The following BRIP1 variants were observed in gnomAD, a reference collection of about 807,000 sequenced individuals.
The protein encoded by BRIP1 is BRCA1 interacting DNA helicase 1.
BRIP1 carries 88 observed loss-of-function variants against 119.7 expected under a neutral mutation model. The ratio of observed to expected loss-of-function variants is 0.74; its 90% CI spans 0.62 to 0.88. The LOEUF (loss-of-function observed/expected upper bound fraction) is 0.88. BRIP1 is among the 40% of genes least tolerant of loss of function. The pLI is 0.00. For missense variants in BRIP1, 1,259 were observed against 1,455.4 expected (o/e 0.87, Z 2.20); for synonymous variants, 443 against 496.5 (o/e 0.89, Z 1.43).
rs1389479164 is a variant in BRIP1 at position 61,738,778 on chromosome 17, C to T, written c.2379+4235G>A. On this transcript the variant is annotated intron_variant, in intron 16 of 19. Coordinates refer to ENST00000259008, the MANE Select transcript of BRIP1 (RefSeq NM_032043.3). The surrounding 1 kb of genome is among the most constrained non-coding windows in gnomAD (Gnocchi z 4.2). ...TAATGAAGAATAACATAATAAATACCTGCATTCTCATATTTTCTTGCAGCT... is the reference window on the plus strand; with the variant it reads ...TAATGAAGAATAACATAATAAATACTTGCATTCTCATATTTTCTTGCAGCT... 6.6e-6 allele frequency among the ~76,000 whole-genome samples: 1 copy of T among 151,904 alleles called. No homozygotes were observed. Among genetic ancestry groups the T allele is most frequent in the Admixed American group, 6.6e-5 (1 of 15,238 alleles).
intron 14 of BRIP1, among the ~76,000 whole-genome samples, chr17:61,773,072 G>T (rs1043303367): frequency 4.6e-5 from 7 of 151,620 alleles, no homozygotes; most frequent in Admixed American, 4.6e-4. Flanking sequence ...AGAAATTAAA[G>T]AATTTAATGA....
At chr17:61,812,261 G>A (rs938019255) in intron 6 of BRIP1, among the ~76,000 whole-genome samples, 11 of 152,036 alleles carry the variant, frequency 7.2e-5, no homozygotes, top group African/African-American at 2.2e-4. Flanking sequence ...ATCTCTTATT[G>A]AGTATTTTTC....
At position 61,808,922 on chromosome 17, in the gene BRIP1, C is replaced by T. The variant is rs2078121559; in HGVS notation, c.628-165G>A. Among the ~76,000 whole-genome samples the T allele has an allele frequency of 6.6e-6, 1 of 152,118 alleles. No individual in the cohort carries two copies. Among genetic ancestry groups the T allele is most frequent in the African/African-American group, 2.4e-5 (1 of 41,438 alleles). On this transcript the variant is annotated intron_variant, in intron 6 of 19. Coordinates refer to ENST00000259008, the MANE Select transcript of BRIP1 (RefSeq NM_032043.3). The surrounding 1 kb of genome is among the most constrained non-coding windows in gnomAD (Gnocchi z 4.1). ...AAACTTGCCATTAAAGAAAAAACTA[C>T]AATTTAAAATTGGTCCTCATTCTTT...
At position 61,680,675 on chromosome 17, in the gene BRIP1, T is replaced by C. The variant is rs1203946387; in HGVS notation, c.*2621A>G. Among the ~76,000 whole-genome samples the C allele has an allele frequency of 6.6e-6, 1 of 151,798 alleles. No individual in the cohort carries two copies. Among genetic ancestry groups the C allele is most frequent in the Admixed American group, 6.6e-5 (1 of 15,254 alleles). ...TTTGTATTTTTAGTAGAGACGGGGT[T>C]TCACCGTGTTAACCAGGATGGTCTC... On this transcript the variant is annotated 3_prime_UTR_variant, in exon 20 of 20. Coordinates refer to ENST00000259008, the MANE Select transcript of BRIP1 (RefSeq NM_032043.3).
rs2078668417 is a variant in BRIP1 at position 61,842,224 on chromosome 17, T to TA, written c.627+4876dup. Among the ~76,000 whole-genome samples the TA allele has an allele frequency of 2.0e-5, 3 of 151,558 alleles. No homozygotes were observed. Among genetic ancestry groups the TA allele is most frequent in the South Asian group, 2.1e-4 (1 of 4,792 alleles). On this transcript the variant is annotated intron_variant, in intron 6 of 19. Coordinates refer to ENST00000259008, the MANE Select transcript of BRIP1 (RefSeq NM_032043.3). The surrounding 1 kb of genome is among the most constrained non-coding windows in gnomAD (Gnocchi z 5.1). ...TATGTTCTTACTCATATGTAGGAGC[T>TA]AAAAAAAATGAGCTCATAGAAGTAG...
chr17:61,786,896 T>A (rs540608861), intron 10 of BRIP1, among the ~76,000 whole-genome samples: 1,178 of 109,730 alleles, frequency 0.011, 24 homozygotes, highest in African/African-American at 0.04. Context: ...TAAATATATT[T>A]TATATATAAT....
chr17:61,684,669 G>C lies in BRIP1; in HGVS notation c.2906-529C>G, dbSNP rs2061334017. ...GAATTCACTATTTATAGTGAATTTT[G>C]TATTACTATTTTGTAGTATTTATAT... On this transcript the variant is annotated intron_variant, in intron 19 of 19. Transcript: ENST00000259008. The surrounding 1 kb of genome is among the most constrained non-coding windows in gnomAD (Gnocchi z 4.5). The C allele has an allele frequency of 6.6e-6, 1 of 152,292 alleles. No individual in the cohort carries two copies. The highest frequency in any genetic ancestry group is 2.1e-4 in the South Asian group (1 of 4,832). 9.4% of individuals were successfully genotyped at this position (152,292 alleles called of 1,614,324 possible). A position where few individuals can be genotyped will look rare whatever the true frequency, so the allele number is the denominator to read the frequency against.
intron 10 of BRIP1, among the ~76,000 whole-genome samples, chr17:61,790,652 T>C (rs2077802149): frequency 6.6e-6 from 1 of 152,150 alleles, no homozygotes; most frequent in South Asian, 2.1e-4. Flanking sequence ...TCCTTTTCTT[T>C]TTTTTTAAAC....
chr17:61,741,721 A>G (rs1371176388), intron 16 of BRIP1, among the ~76,000 whole-genome samples: 2 of 151,950 alleles, frequency 1.3e-5, no homozygotes, highest in Non-Finnish European at 2.9e-5. Flanking sequence ...GACTTAAAAT[A>G]TTCAGTAAAC....
rs965381911 is a variant in BRIP1, at chr17:61,710,873, T to C, written c.2492+5078A>G. On this transcript the variant is annotated intron_variant, in intron 17 of 19. Coordinates refer to ENST00000259008, the MANE Select transcript of BRIP1 (RefSeq NM_032043.3). This position sits in a 1 kb window ranked among gnomAD's most constrained non-coding sequence, Gnocchi z 5.4. Reference sequence around the variant, plus strand: ...CTGTCCATCATGGTGAAACCCCGTCTCTACTAAAAATATAAAAATTAGCTG... The same window carrying C: ...CTGTCCATCATGGTGAAACCCCGTCCCTACTAAAAATATAAAAATTAGCTG... 6.6e-6 allele frequency among the ~76,000 whole-genome samples: 1 copy of C among 151,834 alleles called. No individual in the cohort carries two copies. Among genetic ancestry groups the C allele is most frequent in the African/African-American group, 2.4e-5 (1 of 41,340 alleles).
chr17:61,715,068 C>T (rs898611947), intron 17 of BRIP1, among the ~76,000 whole-genome samples: 12 of 151,640 alleles, frequency 7.9e-5, no homozygotes, highest in East Asian at 3.9e-4. Flanking sequence ...GGCATGGTGG[C>T]GCACGCCTGT....
At position 61,846,965 on chromosome 17, in the gene BRIP1, T is replaced by C; in HGVS notation, c.627+136A>G. On this transcript the variant is annotated intron_variant, in intron 6 of 19. Transcript: ENST00000259008. This position sits in a 1 kb window ranked among gnomAD's most constrained non-coding sequence, Gnocchi z 4.3. ...CCATCTCACACATTAGTAACAGAGATGTGACAGCATTGAGGACTTCTGAGT... is the reference window on the plus strand; with the variant it reads ...CCATCTCACACATTAGTAACAGAGACGTGACAGCATTGAGGACTTCTGAGT... The C allele has an allele frequency of 2.1e-6, 2 of 940,440 alleles. No homozygotes were observed. The highest frequency in any genetic ancestry group is 3.3e-6 in the Non-Finnish European group (2 of 606,636). 58.3% of individuals were successfully genotyped at this position (940,440 alleles called of 1,614,324 possible). A position where few individuals can be genotyped will look rare whatever the true frequency, so the allele number is the denominator to read the frequency against.
intron 11 of BRIP1, among the ~76,000 whole-genome samples, chr17:61,782,467 A>G (rs1320491821): frequency 2.0e-5 from 3 of 152,002 alleles, no homozygotes; most frequent in Non-Finnish European, 4.4e-5. Context: ...TGGATGTGAC[A>G]CTAAAAGTAC....
At position 61,789,241 on chromosome 17, in the gene BRIP1, C is replaced by T. The variant is rs956023500; in HGVS notation, c.1473+4356G>A. ...ATGAATGCACCATTGCACTTCATTC[C>T]GGGCAACACAGCAAGACTCTGTCTC... is the stretch of plus-strand genomic sequence containing the variant. On this transcript the variant is annotated intron_variant, in intron 10 of 19. Transcript: ENST00000259008. The surrounding 1 kb of genome is among the most constrained non-coding windows in gnomAD (Gnocchi z 4.8). 6.0e-5 allele frequency among the ~76,000 whole-genome samples: 9 copies of T among 150,736 alleles called. No homozygotes were observed. The highest frequency in any genetic ancestry group is 5.9e-4 in the Admixed American group (9 of 15,138).
rs1372474933 is a variant in BRIP1 at position 61,684,008 on chromosome 17, G to A, written c.3038C>T (p.Thr1013Ile). Residue 1013 changes from threonine to isoleucine, a missense_variant, in exon 20 of 20, where the codon ACT (threonine) becomes ATT (isoleucine). This residue lies in a region of BRIP1 where 753 missense variants were observed against 891.8 expected (regional missense o/e 0.84). Coordinates refer to ENST00000259008, the MANE Select transcript of BRIP1 (RefSeq NM_032043.3). This position sits in a 1 kb window ranked among gnomAD's most constrained non-coding sequence, Gnocchi z 4.5. ...AGGTGTTGCCTTCGGTATTTTACCA[G>A]TAAAATACTGTCCCAAAGAATTAAA... Reference protein sequence around the residue: ...SSFNSLGQYFTGKIPKATPEL... With the variant: ...SSFNSLGQYFIGKIPKATPEL... The A allele has an allele frequency of 1.9e-6, 3 of 1,613,990 alleles. No individual in the cohort carries two copies. In the African/African-American group the frequency reaches 4.0e-5, roughly 22 times the overall value.
Position 61,841,805 on chromosome 17 carries a change from A to T in BRIP1, c.627+5296T>A, listed in dbSNP as rs1397367820. 6.6e-6 allele frequency among the ~76,000 whole-genome samples: 1 copy of T among 152,134 alleles called. No homozygotes were observed. The highest frequency in any genetic ancestry group is 1.5e-5 in the Non-Finnish European group (1 of 68,022). On this transcript the variant is annotated intron_variant, in intron 6 of 19. Transcript: ENST00000259008. This position sits in a 1 kb window ranked among gnomAD's most constrained non-coding sequence, Gnocchi z 4.1. ...TGATCGCCCATGCCTCAGCCTCCCA[A>T]GTAGCTAGGACTGCAGGCACGTACC...
In BRIP1 at chr17:61,809,802, A is replaced by G. The variant is rs2078134057; in HGVS notation, c.628-1045T>C. Among the ~76,000 whole-genome samples the G allele has an allele frequency of 6.6e-6, 1 of 152,222 alleles. No individual in the cohort carries two copies. The highest frequency in any genetic ancestry group is 1.5e-5 in the Non-Finnish European group (1 of 68,038). On this transcript the variant is annotated intron_variant, in intron 6 of 19. Coordinates refer to ENST00000259008, the MANE Select transcript of BRIP1 (RefSeq NM_032043.3). This position sits in a 1 kb window ranked among gnomAD's most constrained non-coding sequence, Gnocchi z 5.2. ...CTAAAGAGTTTTAATTTAGTAGAACAAACACTCTACTTGACTGTTTTTTTT... is the reference window on the plus strand; with the variant it reads ...CTAAAGAGTTTTAATTTAGTAGAACGAACACTCTACTTGACTGTTTTTTTT...
chr17:61,814,143 G>C lies in BRIP1; in HGVS notation c.628-5386C>G, dbSNP rs1250593126. ...GACAGTAAACATTTCAAGCTTCAAA[G>C]GCTATATGGTCTCTTCTTCCATAGG... On this transcript the variant is annotated intron_variant, in intron 6 of 19. Coordinates refer to ENST00000259008, the MANE Select transcript of BRIP1 (RefSeq NM_032043.3). This position sits in a 1 kb window ranked among gnomAD's most constrained non-coding sequence, Gnocchi z 4.9. Among the ~76,000 whole-genome samples, 1 of 152,000 alleles carries C rather than the reference G, an allele frequency of 6.6e-6. No homozygotes were observed. The highest frequency in any genetic ancestry group is 1.5e-5 in the Non-Finnish European group (1 of 67,918).
At position 61,760,455 on chromosome 17, in the gene BRIP1, A is replaced by C. The variant is rs890337370; in HGVS notation, c.2098-15864T>G. On this transcript the variant is annotated intron_variant, in intron 14 of 19. Transcript: ENST00000259008. The surrounding 1 kb of genome is among the most constrained non-coding windows in gnomAD (Gnocchi z 4.6). The stretch of plus-strand genomic sequence containing the variant: ...ATAAAGATCAGAGAATAAATAAATA[A>C]AGTAGAGACTAGGAAAACAACACAA... Among the ~76,000 whole-genome samples, 1 of 151,964 alleles carries C rather than the reference A, an allele frequency of 6.6e-6. No individual in the cohort carries two copies. Among genetic ancestry groups the C allele is most frequent in the African/African-American group, 2.4e-5 (1 of 41,436 alleles).
Sources: gnomAD v4.1 joint callset for allele counts (sites outside exome capture counted in the v4.1 genomes callset) on GRCh38, gnomAD v4.1.1 for gene constraint, gnomAD v4.1.1 regional missense constraint, Gnocchi (gnomAD v3.1) non-coding constraint, MANE v1.5 for transcripts, NCBI Gene and HGNC (gene_info 2026-07-23, HGNC 2026-07-21) for gene names.